Variants in TTC27 observed in about 807,000 individuals in gnomAD.
The protein encoded by TTC27 is tetratricopeptide repeat protein 27.
Under a neutral mutation model 115.9 loss-of-function variants are expected in TTC27, and 79 were observed. The ratio of observed to expected loss-of-function variants is 0.68; its 90% confidence interval spans 0.57 to 0.82. The LOEUF is 0.82. Among genes scored for constraint, TTC27 ranks in the 40% least tolerant of loss-of-function variants. The pLI is 0.00. For missense variants in TTC27, 1,054 were observed against 993.1 expected (o/e 1.06, Z -0.82); for synonymous variants, 401 against 356.0 (o/e 1.13, Z -1.42).
In TTC27 at chr2:32,698,435, G is replaced by GTTATTA. The variant is rs372830080; in HGVS notation, c.1120-4354_1120-4349dup. On this transcript the variant is annotated intron_variant, in intron 9 of 19. Coordinates refer to ENST00000317907, the MANE Select transcript of TTC27 (RefSeq NM_017735.5). ...TTAAGCCATCTCACCCAGCCATAAA[G>GTTATTA]TTATTATTATTATTATTATTATTTT... 1.0e-3 allele frequency among the ~76,000 whole-genome samples: 147 copies of GTTATTA among 145,484 alleles called. 2 individuals carry two copies. Among genetic ancestry groups the GTTATTA allele is most frequent in the East Asian group, 7.0e-3 (34 of 4,830 alleles).
At chr2:32,662,029 A>G (rs904317443) in intron 5 of TTC27, among the ~76,000 whole-genome samples, 1 of 152,004 alleles carries the variant, frequency 6.6e-6, no homozygotes, top group Non-Finnish European at 1.5e-5. Context: ...AGATAATCTT[A>G]TGGTTTTTGT....
chr2:32,679,659 A>G (rs1362835445), intron 9 of TTC27, among the ~76,000 whole-genome samples: 1 of 152,170 alleles, frequency 6.6e-6, no homozygotes, highest in Non-Finnish European at 1.5e-5. Flanking sequence ...GTTATTTTTC[A>G]GATAAGGCAA....
chr2:32,743,826 T>C (rs1019430512), intron 12 of TTC27, among the ~76,000 whole-genome samples: 2 of 152,232 alleles, frequency 1.3e-5, no homozygotes, highest in African/African-American at 2.4e-5. Flanking sequence ...AATTTAGTCA[T>C]GTAGTGATAC....
At chr2:32,693,341 C>T (rs893540635) in intron 9 of TTC27, among the ~76,000 whole-genome samples, 1 of 152,208 alleles carries the variant, frequency 6.6e-6, no homozygotes, top group African/African-American at 2.4e-5. Context: ...GCAGCATCAG[C>T]GTCACCTGGG....
At position 32,710,427 on chromosome 2, in the gene TTC27, C is replaced by CTTT. The variant is rs10651873; in HGVS notation, c.1233+7522_1233+7524dup. On this transcript the variant is annotated intron_variant, in intron 10 of 19. Transcript: ENST00000317907. ...CTTTTAGGTGTTTATAAGTATATAGCTTTTTTTTTTTTTTTTTCTGAGATG... is the reference window on the plus strand; with the variant it reads ...CTTTTAGGTGTTTATAAGTATATAGCTTTTTTTTTTTTTTTTTTTTCTGAGATG... Among the ~76,000 whole-genome samples the CTTT allele has an allele frequency of 1.5e-3, 201 of 129,822 alleles. 5 individuals carry two copies. Among genetic ancestry groups the CTTT allele is most frequent in the Middle Eastern group, 8.8e-3 (2 of 228 alleles). 85.2% of individuals were successfully genotyped at this position (129,822 alleles called of 152,430 possible).
intron 16 of TTC27, among the ~76,000 whole-genome samples, chr2:32,801,604 C>A (rs957576132): frequency 1.3e-5 from 2 of 152,156 alleles, no homozygotes; most frequent in Non-Finnish European, 2.9e-5. Flanking sequence ...TGTTATTCAG[C>A]GCACCACAGC....
intron 10 of TTC27, among the ~76,000 whole-genome samples, chr2:32,716,048 G>A (rs186725612): frequency 6.6e-6 from 1 of 152,242 alleles, no homozygotes; most frequent in Admixed American, 6.5e-5. Flanking sequence ...AAAAACAACA[G>A]CTTTCTTTTC....
intron 13 of TTC27, among the ~76,000 whole-genome samples, chr2:32,767,610 C>T (rs1176525303): frequency 6.6e-6 from 1 of 151,016 alleles, no homozygotes; most frequent in Non-Finnish European, 1.5e-5. Flanking sequence ...TACAGGCGCC[C>T]GCCACCGCGC....
At position 32,664,382 on chromosome 2, in the gene TTC27, G is replaced by A. The variant is rs1665685320; in HGVS notation, c.720G>A (p.Val240=). ...AATTCCATCTGGAATGTGCATATGT[G>A]TTTTTATATTATTATGAGTACAGAA... is the stretch of plus-strand genomic sequence containing the variant. ...AIQFHLECAY[V]FLYYYEYRKA... The change falls in exon 6 of 20, where the codon GTG becomes GTA. Residue 240 remains valine, a synonymous_variant. Transcript: ENST00000317907. 6.2e-7 allele frequency: 1 copy of A among 1,612,500 alleles called. No homozygotes were observed. The highest frequency in any genetic ancestry group is 1.7e-5 in the Admixed American group (1 of 59,852).
chr2:32,738,108 G>T (rs1021495809), intron 12 of TTC27, among the ~76,000 whole-genome samples: 1 of 152,146 alleles, frequency 6.6e-6, no homozygotes, highest in Non-Finnish European at 1.5e-5. Flanking sequence ...ATGAGGAAAG[G>T]TTTCCCTTAT....
At chr2:32,737,999 CAGTG>C (rs1668502081) in intron 12 of TTC27, among the ~76,000 whole-genome samples, 1 of 152,036 alleles carries the variant, frequency 6.6e-6, no homozygotes, top group African/African-American at 2.4e-5. Flanking sequence ...CTAGACGACA[CAGTG>C]AGACCCTATC....
intron 16 of TTC27, among the ~76,000 whole-genome samples, chr2:32,793,386 A>G (rs1456426279): frequency 6.6e-6 from 1 of 152,246 alleles, no homozygotes; most frequent in African/African-American, 2.4e-5. Context: ...ACTGCCCTGC[A>G]TGAAATGCTC....
intron 4 of TTC27, among the ~76,000 whole-genome samples, chr2:32,648,357 G>C (rs1664947742): frequency 6.6e-6 from 1 of 151,458 alleles, no homozygotes; most frequent in Admixed American, 6.6e-5. Flanking sequence ...TTGAACTCCT[G>C]ACCTCAGGTG....
At chr2:32,778,937 T>C (rs1670084084) in intron 14 of TTC27, among the ~76,000 whole-genome samples, 1 of 152,128 alleles carries the variant, frequency 6.6e-6, no homozygotes, top group Non-Finnish European at 1.5e-5. Flanking sequence ...CAAAGTACCA[T>C]TTTAGGCCGG....
In TTC27 at chr2:32,650,140, T is replaced by C. The variant is rs1665036038; in HGVS notation, c.547T>C (p.Trp183Arg). Residue 183 changes from tryptophan to arginine, a missense_variant, in exon 5 of 20, where the codon TGG (tryptophan) becomes CGG (arginine). Physicochemically the swap from Trp to Arg is moderately radical, Grantham distance 101. Coordinates refer to ENST00000317907, the MANE Select transcript of TTC27 (RefSeq NM_017735.5). ...TGGTGTTTTTTCCTAGAGCTTGCCA[T>C]GGTGGACTTTGAGATGTGTGAATAT... Reference protein sequence around the residue: ...HKLTAIQSLPWWTLRCVNIHQ... With the variant: ...HKLTAIQSLPRWTLRCVNIHQ... 1 of 1,613,490 alleles carries C rather than the reference T, an allele frequency of 6.2e-7. No individual in the cohort carries two copies.
At chr2:32,719,944 T>C (rs1254532583) in intron 10 of TTC27, among the ~76,000 whole-genome samples, 2 of 152,222 alleles carry the variant, frequency 1.3e-5, no homozygotes, top group Non-Finnish European at 2.9e-5. Flanking sequence ...CTGACCTGTC[T>C]TAGCTCCATT....
rs1666045991 is a variant in TTC27, at chr2:32,672,417, A to C, written c.1052+33A>C. The C allele has an allele frequency of 3.4e-6, 5 of 1,470,738 alleles. No individual in the cohort carries two copies. In the African/African-American group the frequency reaches 4.2e-5, roughly 12 times the overall value. The allele number at this position is 1,470,738 out of a possible 1,614,324, so 91.1% of individuals were successfully genotyped here. A position where few individuals can be genotyped will look rare whatever the true frequency, so the allele number is the denominator to read the frequency against. On this transcript the variant is annotated intron_variant, in intron 8 of 19. Coordinates refer to ENST00000317907, the MANE Select transcript of TTC27 (RefSeq NM_017735.5). ...AATGACTGACTTGGCTGCTTTGAAC[A>C]CTTTGCATATTGATTCTCTTATGTG... is the stretch of plus-strand genomic sequence containing the variant.
At position 32,664,316 on chromosome 2, in the gene TTC27, G is replaced by A. The variant is rs1403555931; in HGVS notation, c.654G>A (p.Gln218=). Residue 218 remains glutamine (Q), a synonymous_variant, in exon 6 of 20, where the codon CAG becomes CAA. Transcript: ENST00000317907. The stretch of plus-strand genomic sequence containing the variant: ...TTTGTCTTGCAGTGATGAAACTACA[G>A]AATCTGTTTGTAGATGATTCAGGTC... The part of the protein sequence containing the change: ...ENCIDQVMKL[Q]NLFVDDSGRY... 2.5e-6 allele frequency: 4 copies of A among 1,598,000 alleles called. No individual in the cohort carries two copies. Among genetic ancestry groups the A allele is most frequent in the Non-Finnish European group, 3.4e-6 (4 of 1,173,242 alleles).
chr2:32,629,626 A>G (rs2063543900), intron 1 of TTC27, among the ~76,000 whole-genome samples: 1 of 148,286 alleles, frequency 6.7e-6, no homozygotes, highest in East Asian at 2.0e-4. Context: ...TTTTTAGTAG[A>G]GACGGGGTTT....
Sources: allele counts gnomAD v4.1 joint callset (sites outside exome capture counted in the v4.1 genomes callset), GRCh38; gene constraint gnomAD v4.1.1; transcripts MANE v1.5; gene names NCBI Gene and HGNC (gene_info 2026-07-23, HGNC 2026-07-21).